The following PRKCH variants were observed in gnomAD, a reference collection of about 807,000 sequenced individuals.
PRKCH encodes the protein protein kinase C eta, also known as protein kinase C eta type.
Under a neutral mutation model 82.5 loss-of-function variants are expected in PRKCH, and 28 were observed. The ratio of observed to expected loss-of-function variants is 0.34; its 90% CI spans 0.25 to 0.47. The LOEUF (loss-of-function observed/expected upper bound fraction) is 0.47. PRKCH is among the 20% of genes least tolerant of loss of function. PRKCH has a pLI of 1.00. For synonymous variants in PRKCH, 322 were observed against 327.4 expected (o/e 0.98, Z 0.18); for missense variants, 705 against 881.8 (o/e 0.80, Z 2.54).
At chr14:61,485,406 G>C (rs2251380) in intron 9 of PRKCH, 96 bp from the exon 10 acceptor site, 1,345,073 of 1,430,638 alleles carry the variant, frequency 0.94, 636,963 homozygotes, top group Admixed American at 0.96. Context: ...ACTTGACAGT[G>C]TCCTCTCTAT....
chr14:61,550,693 G>A lies in PRKCH; in HGVS notation c.*862G>A, dbSNP rs1594806870. On this transcript the variant is annotated 3_prime_UTR_variant, in exon 14 of 14. Transcript: ENST00000332981. ...CACAGTCAGCGGGTGAATTACAGGT[G>A]CCTGCTGCCTGCCTACCTGGGTAAT... The A allele has an allele frequency of 6.5e-6, 1 of 152,716 alleles. No individual in the cohort carries two copies. The highest frequency in any genetic ancestry group is 1.9e-4 in the East Asian group (1 of 5,194). 9.5% of individuals were successfully genotyped at this position (152,716 alleles called of 1,614,324 possible).
intron 2 of PRKCH, among the ~76,000 whole-genome samples, chr14:61,437,205 T>G (rs190898367): frequency 6.6e-6 from 1 of 152,250 alleles, no homozygotes; most frequent in Non-Finnish European, 1.5e-5. Context: ...TTTGTGTCGT[T>G]ACTGTCTCAG....
chr14:61,517,189 T>G (rs17098668), intron 10 of PRKCH, among the ~76,000 whole-genome samples: 6,514 of 152,242 alleles, frequency 0.043, 474 homozygotes, highest in African/African-American at 0.15. Context: ...CTCCTGAGGC[T>G]GGTCCCGTAA....
intron 2 of PRKCH, among the ~76,000 whole-genome samples, chr14:61,404,051 G>A (rs1339526730): frequency 4.6e-5 from 7 of 152,186 alleles, no homozygotes; most frequent in Non-Finnish European, 1.0e-4. Context: ...CAGGCCACTT[G>A]TGTTGGTAAC....
chr14:61,376,646 C>T (rs2046431769), intron 1 of PRKCH, among the ~76,000 whole-genome samples: 1 of 152,184 alleles, frequency 6.6e-6, no homozygotes, highest in Non-Finnish European at 1.5e-5. Context: ...TCCTCCACTG[C>T]ACACTTGTAC....
intron 9 of PRKCH, among the ~76,000 whole-genome samples, chr14:61,485,249 T>G (rs1260747702): frequency 1.3e-5 from 2 of 152,170 alleles, no homozygotes; most frequent in African/African-American, 4.8e-5. Flanking sequence ...TGATGCCTTC[T>G]GTACTTTTGA....
chr14:61,232,824 T>TAA (rs2044755086), intron 1 of PRKCH, among the ~76,000 whole-genome samples: 1 of 152,140 alleles, frequency 6.6e-6, no homozygotes, highest in Non-Finnish European at 1.5e-5. Context: ...CCCAACCCTC[T>TAA]AATCAGGCCT....
At chr14:61,416,374 G>A (rs1023554891) in intron 2 of PRKCH, among the ~76,000 whole-genome samples, 3 of 152,024 alleles carry the variant, frequency 2.0e-5, no homozygotes, top group Admixed American at 1.3e-4. Flanking sequence ...CCTTTTTAAG[G>A]CTGAATAATA....
chr14:61,324,415 T>A (rs2045668916), intron 1 of PRKCH, among the ~76,000 whole-genome samples: 1 of 152,168 alleles, frequency 6.6e-6, no homozygotes, highest in Admixed American at 6.5e-5. Context: ...AAACCAGCAG[T>A]TTTTCATGCG....
chr14:61,529,319 G>A, intron 11 of PRKCH, 106 bp downstream of exon 11: 1 of 1,402,648 alleles, frequency 7.1e-7, no homozygotes, highest in South Asian at 1.5e-5. Flanking sequence ...AGGCAGCATT[G>A]AAAGGTGTCT....
chr14:61,286,443 C>A (rs2045314580), intron 1 of PRKCH, among the ~76,000 whole-genome samples: 1 of 152,170 alleles, frequency 6.6e-6, no homozygotes, highest in African/African-American at 2.4e-5. Context: ...TCTCTCCACT[C>A]CCTGCCACGG....
At chr14:61,445,088 T>A (rs1276126510) in intron 3 of PRKCH, among the ~76,000 whole-genome samples, 2 of 152,228 alleles carry the variant, frequency 1.3e-5, no homozygotes. Context: ...GTTACTGTGG[T>A]CTTTGTTAAT....
At chr14:61,320,297 T>C (rs1032976731), upstream of PRKCH, among the ~76,000 whole-genome samples, 2 of 152,164 alleles carry the variant, frequency 1.3e-5, no homozygotes, top group African/African-American at 4.8e-5. Flanking sequence ...TAATCAAGTA[T>C]CTTAAGAGTG....
intron 1 of PRKCH, among the ~76,000 whole-genome samples, chr14:61,276,814 A>T (rs2045207689): frequency 6.6e-6 from 1 of 152,148 alleles, no homozygotes. Context: ...TAAGGTAGAA[A>T]GGGTTTTGAT....
intron 2 of PRKCH, among the ~76,000 whole-genome samples, chr14:61,410,919 G>C (rs1048802671): frequency 7.9e-5 from 12 of 152,194 alleles, no homozygotes; most frequent in African/African-American, 1.2e-4. Context: ...AGCCTGTCAG[G>C]AAGAGCTGTG....
intron 10 of PRKCH, among the ~76,000 whole-genome samples, chr14:61,519,954 G>GT (rs1275688254): frequency 2.6e-5 from 4 of 151,208 alleles, no homozygotes; most frequent in African/African-American, 9.7e-5. Context: ...CAAACAGGAT[G>GT]TTTTTTTCCA....
chr14:61,304,803 G>A (rs1049646375), intron 1 of PRKCH: 15 of 151,068 alleles, frequency 9.9e-5, no homozygotes, highest in East Asian at 3.9e-4. Context: ...CAGTCTAGGC[G>A]ACTGAGCCAA....
chr14:61,384,144 A>G (rs925738990), intron 1 of PRKCH, among the ~76,000 whole-genome samples: 5 of 152,188 alleles, frequency 3.3e-5, no homozygotes, highest in Admixed American at 6.5e-5. Context: ...GGAAAAACAG[A>G]TGGTCACGGT....
intron 10 of PRKCH, among the ~76,000 whole-genome samples, chr14:61,518,281 T>C (rs555721616): frequency 1.3e-5 from 2 of 152,266 alleles, no homozygotes; most frequent in South Asian, 2.1e-4. Flanking sequence ...CCAGGTATCA[T>C]GTCTGAGCAT....
Sources: gnomAD v4.1 joint callset for allele counts (sites outside exome capture counted in the v4.1 genomes callset) on GRCh38, gnomAD v4.1.1 for gene constraint, MANE v1.5 for transcripts, NCBI Gene and HGNC (gene_info 2026-07-23, HGNC 2026-07-21) for gene names.